PHF24: variants seen among roughly 807,000 people sequenced by gnomAD.
PHF24 encodes PHD finger protein 24.
A neutral mutation model predicts 42.6 loss-of-function variants in PHF24; 25 were observed. That is an observed-to-expected ratio of 0.59 (90% CI 0.43 to 0.82). The LOEUF is 0.82. Among genes scored for constraint, PHF24 ranks in the 40% least tolerant of loss-of-function variants. The probability of loss-of-function intolerance (pLI) is 0.00; values close to 1 mark genes in which losing one functional copy is unlikely to be tolerated. For synonymous variants in PHF24, 185 were observed against 204.8 expected (o/e 0.90, Z 0.83); for missense variants, 470 against 538.1 (o/e 0.87, Z 1.25).
At chr9:34,753,530 C>T in the PHF24 span, among the ~76,000 whole-genome samples, 3 of 151,928 alleles carry the variant, frequency 2.0e-5, no homozygotes, top group Non-Finnish European at 2.9e-5. Context: ...GCTCATGTAT[C>T]GAAAAGCTCC....
chr9:34,942,572 C>A, the PHF24 span, among the ~76,000 whole-genome samples: 2 of 152,090 alleles, frequency 1.3e-5, no homozygotes, highest in Non-Finnish European at 2.9e-5. Flanking sequence ...GGGGCATTAA[C>A]ATAACCCTGA....
chr9:34,753,485 T>C, the PHF24 span, among the ~76,000 whole-genome samples: 1 of 151,966 alleles, frequency 6.6e-6, no homozygotes, highest in African/African-American at 2.4e-5. Flanking sequence ...ATGAAAGAAA[T>C]TGAAGAGGAC....
At chr9:34,916,556 CTTAACA>C in the PHF24 span, among the ~76,000 whole-genome samples, 16 of 152,156 alleles carry the variant, frequency 1.1e-4, no homozygotes, top group Non-Finnish European at 2.1e-4. Context: ...CCAGCAAAAA[CTTAACA>C]TTAAAGTACC....
chr9:34,794,419 A>G, the PHF24 span, among the ~76,000 whole-genome samples: 1 of 152,350 alleles, frequency 6.6e-6, no homozygotes, highest in East Asian at 1.9e-4. Flanking sequence ...TGTCTGGGAT[A>G]CAATGCAAAG....
At chr9:34,908,004 G>A in the PHF24 span, among the ~76,000 whole-genome samples, 1 of 151,914 alleles carries the variant, frequency 6.6e-6, no homozygotes, top group African/African-American at 2.4e-5. Flanking sequence ...CACCACACCT[G>A]GCTAATTTTT....
the PHF24 span, among the ~76,000 whole-genome samples, chr9:34,870,797 CT>C: frequency 1.3e-5 from 2 of 152,082 alleles, no homozygotes; most frequent in Non-Finnish European, 2.9e-5. Context: ...TACCTCGTTT[CT>C]TTTTAATGCT....
chr9:34,895,881 A>G, the PHF24 span: 1 of 395,932 alleles, frequency 2.5e-6, no homozygotes, highest in Non-Finnish European at 4.4e-6. Flanking sequence ...CAGGGATAGC[A>G]TCACAGACCT....
chr9:34,855,496 T>C, the PHF24 span, among the ~76,000 whole-genome samples: 12 of 152,364 alleles, frequency 7.9e-5, 1 homozygote, highest in South Asian at 2.5e-3. Context: ...TAACATTTGC[T>C]TGTCCTGAAA....
chr9:34,720,839 C>T, the PHF24 span, among the ~76,000 whole-genome samples: 2 of 152,178 alleles, frequency 1.3e-5, no homozygotes, highest in African/African-American at 4.8e-5. Flanking sequence ...TCAGCAGCAG[C>T]TTTGATCACC....
the PHF24 span, among the ~76,000 whole-genome samples, chr9:34,720,930 C>G: frequency 1.1e-4 from 17 of 152,170 alleles, no homozygotes; most frequent in African/African-American, 3.9e-4. Context: ...AATCTTTCTC[C>G]ACCTCCAGCT....
chr9:34,810,006 G>A, the PHF24 span, among the ~76,000 whole-genome samples: 87 of 144,870 alleles, frequency 6.0e-4, no homozygotes, highest in African/African-American at 9.5e-4. Flanking sequence ...ACGCGCCGCC[G>A]CCGCCCACGC....
chr9:34,918,103 A>G, the PHF24 span: 1 of 1,544,454 alleles, frequency 6.5e-7, no homozygotes. Context: ...TCCAACATCA[A>G]CAACTTTTCT....
the PHF24 span, among the ~76,000 whole-genome samples, chr9:34,736,087 A>T: frequency 1.1e-4 from 16 of 152,208 alleles, no homozygotes; most frequent in Non-Finnish European, 2.2e-4. Flanking sequence ...CAGTGGAGGA[A>T]AAAATAAGTG....
the PHF24 span, among the ~76,000 whole-genome samples, chr9:34,739,694 T>C: frequency 1.3e-5 from 2 of 152,182 alleles, no homozygotes; most frequent in Non-Finnish European, 1.5e-5. Context: ...ATAAAGGCAG[T>C]GTGCACCCAA....
the PHF24 span, among the ~76,000 whole-genome samples, chr9:34,909,624 C>CTT: frequency 4.2e-5 from 6 of 144,282 alleles, no homozygotes; most frequent in South Asian, 2.2e-4. Flanking sequence ...AGAAGAAATC[C>CTT]TTTTTTTTTT....
the PHF24 span, among the ~76,000 whole-genome samples, chr9:34,761,580 C>A: frequency 1.3e-5 from 2 of 152,134 alleles, no homozygotes; most frequent in African/African-American, 4.8e-5. Flanking sequence ...ATATGGGACA[C>A]TTACTAGAAT....
At chr9:34,831,409 G>A in the PHF24 span, among the ~76,000 whole-genome samples, 1 of 152,160 alleles carries the variant, frequency 6.6e-6, no homozygotes, top group African/African-American at 2.4e-5. Flanking sequence ...GAAACAGTAG[G>A]CCTGGGTACA....
the PHF24 span, among the ~76,000 whole-genome samples, chr9:34,912,535 G>A: frequency 1.3e-5 from 2 of 152,196 alleles, no homozygotes; most frequent in South Asian, 2.1e-4. Context: ...AAAACACATA[G>A]CAAAAGCTTT....
At chr9:34,675,149 C>T in the PHF24 span, among the ~76,000 whole-genome samples, 1,454 of 152,300 alleles carry the variant, frequency 9.5e-3, 14 homozygotes, top group Non-Finnish European at 0.015. Flanking sequence ...TGAGCCACTG[C>T]GCTGGGCAGG....
Sources: allele counts gnomAD v4.1 joint callset (sites outside exome capture counted in the v4.1 genomes callset), GRCh38; gene constraint gnomAD v4.1.1; transcripts MANE v1.5; gene names NCBI Gene and HGNC (gene_info 2026-07-23, HGNC 2026-07-21).